Variants in SLX9 observed in about 807,000 individuals in gnomAD.
SLX9 encodes the protein ribosome biogenesis protein SLX9 homolog.
SLX9 carries 19 observed loss-of-function variants against 20.8 expected under a neutral mutation model. The ratio of observed to expected loss-of-function variants is 0.91; its 90% CI spans 0.64 to 1.34. SLX9 has a LOEUF of 1.34. SLX9 is among the 40% of genes most tolerant of loss of function. The pLI, the probability that SLX9 is intolerant of heterozygous loss-of-function variation, is 0.00. For missense variants in SLX9, 299 were observed against 322.2 expected (o/e 0.93, Z 0.55); for synonymous variants, 113 against 137.1 (o/e 0.82, Z 1.23).
chr21:44,971,869 C>T (rs960307953), intron 4 of SLX9, among the ~76,000 whole-genome samples: 1 of 152,154 alleles, frequency 6.6e-6, no homozygotes, highest in African/African-American at 2.4e-5. Flanking sequence ...GGGGAGATGT[C>T]GTCAGCCCCG....
chr21:44,973,374 C>T (rs75379091), intron 5 of SLX9, 109 bp downstream of exon 5: 1 of 705,456 alleles, frequency 1.4e-6, no homozygotes, highest in South Asian at 1.7e-5. Context: ...CCCACCCTCT[C>T]CAGGGGTTCA....
In SLX9 at chr21:44,943,731, C is replaced by G; in HGVS notation, c.177C>G (p.Asp59Glu). 6.2e-7 allele frequency: 1 copy of G among 1,614,202 alleles called. No individual in the cohort carries two copies. The highest frequency in any genetic ancestry group is 8.5e-7 in the Non-Finnish European group (1 of 1,180,020). The change falls in exon 2 of 6, where the codon GAC (aspartate) becomes GAG (glutamate). Residue 59 changes from aspartate to glutamate, a missense_variant. Asp to Glu is a conservative substitution (Grantham distance 45). Transcript: ENST00000291634. The stretch of plus-strand genomic sequence containing the variant: ...ACATCTTTGCCAGGACCAAGATAGA[C>G]CCCAGCGCCTTGGTGCAGAAGCTGG... ...NTNIFARTKI[D>E]PSALVQKLEL...
chr21:44,971,250 G>A (rs1178164459), intron 4 of SLX9, among the ~76,000 whole-genome samples: 4 of 152,214 alleles, frequency 2.6e-5, no homozygotes, highest in African/African-American at 4.8e-5. Flanking sequence ...ACACTGGGCG[G>A]AGTTAGGCTC....
At chr21:44,947,154 C>T (rs987146027) in intron 2 of SLX9, among the ~76,000 whole-genome samples, 4 of 152,198 alleles carry the variant, frequency 2.6e-5, no homozygotes, top group Admixed American at 6.5e-5. Flanking sequence ...TGGTGCCCTG[C>T]GTCCCTACCC....
At chr21:44,950,909 A>G (rs2084745092) in intron 2 of SLX9, among the ~76,000 whole-genome samples, 1 of 152,010 alleles carries the variant, frequency 6.6e-6, no homozygotes, top group African/African-American at 2.4e-5. Context: ...TAGAACTTTG[A>G]GCACAGAGAC....
At chr21:44,950,639 G>A (rs2084740019) in intron 2 of SLX9, among the ~76,000 whole-genome samples, 2 of 152,258 alleles carry the variant, frequency 1.3e-5, no homozygotes, top group South Asian at 2.1e-4. Flanking sequence ...CAGTCCGGCT[G>A]GGAGCGTGGC....
intron 2 of SLX9, 100 bp from the exon 3 acceptor site, chr21:44,960,000 C>T: frequency 9.9e-7 from 1 of 1,014,654 alleles, no homozygotes; most frequent in Non-Finnish European, 1.5e-6. Flanking sequence ...GTTGCAGTGA[C>T]TGTGGCAGCT....
intron 3 of SLX9, among the ~76,000 whole-genome samples, chr21:44,962,420 C>A (rs1179676895): frequency 1.3e-5 from 2 of 152,198 alleles, no homozygotes; most frequent in African/African-American, 2.4e-5. Context: ...TAAATGGAAT[C>A]ATGTAGGATG....
At chr21:44,953,565 A>G (rs56037799) in intron 2 of SLX9, among the ~76,000 whole-genome samples, 4,658 of 138,700 alleles carry the variant, frequency 0.034, 233 homozygotes, top group African/African-American at 0.14. Context: ...GGGGCCCTGC[A>G]TCCGGGCCTC....
chr21:44,973,010 T>A, intron 4 of SLX9, 187 bp from the exon 5 acceptor site: 1 of 704,408 alleles, frequency 1.4e-6, no homozygotes, highest in East Asian at 2.7e-5. Context: ...GGTCAGGCAG[T>A]TGCACTGCTT....
intron 2 of SLX9, among the ~76,000 whole-genome samples, chr21:44,959,753 G>T (rs989703057): frequency 6.6e-6 from 1 of 152,242 alleles, no homozygotes; most frequent in Non-Finnish European, 1.5e-5. Flanking sequence ...GAGCCGTCGG[G>T]CATTCCTGCA....
At chr21:44,941,663 A>T (rs1210914229) in intron 1 of SLX9, among the ~76,000 whole-genome samples, 3 of 152,200 alleles carry the variant, frequency 2.0e-5, no homozygotes, top group Non-Finnish European at 2.9e-5. Flanking sequence ...ACAGCCAAGG[A>T]CTAGTAGCTT....
At chr21:44,940,628 C>CT (rs1397879900) in intron 1 of SLX9, among the ~76,000 whole-genome samples, 2 of 151,356 alleles carry the variant, frequency 1.3e-5, no homozygotes, top group African/African-American at 4.9e-5. Flanking sequence ...TACCTTTTGT[C>CT]TTTATTCTAG....
intron 4 of SLX9, among the ~76,000 whole-genome samples, chr21:44,971,811 G>T (rs968975444): frequency 1.3e-5 from 2 of 152,202 alleles, no homozygotes; most frequent in Admixed American, 6.5e-5. Context: ...GGCTGGCCAG[G>T]GGGGCAGAGC....
At chr21:44,969,087 C>T (rs1020275988) in intron 4 of SLX9, 2 of 446,084 alleles carry the variant, frequency 4.5e-6, no homozygotes, top group South Asian at 3.2e-5. Flanking sequence ...TTTCTTTCTC[C>T]TACTAACTTT....
intron 2 of SLX9, among the ~76,000 whole-genome samples, chr21:44,955,627 C>G (rs2084842701): frequency 6.6e-6 from 1 of 152,176 alleles, no homozygotes; most frequent in African/African-American, 2.4e-5. Context: ...GCAATCTTCC[C>G]TCCCACTTTG....
At chr21:44,971,300 T>TCCCTGC in intron 4 of SLX9, among the ~76,000 whole-genome samples, 1 of 151,878 alleles carries the variant, frequency 6.6e-6, no homozygotes, top group Admixed American at 6.6e-5. Flanking sequence ...CCTCGTGGAG[T>TCCCTGC]CGCGTCCCTG....
intron 4 of SLX9, among the ~76,000 whole-genome samples, chr21:44,967,650 C>G (rs2085062762): frequency 1.3e-5 from 2 of 152,328 alleles, no homozygotes; most frequent in Middle Eastern, 3.4e-3. Flanking sequence ...TGATGCCCAC[C>G]TAACACTGCA....
intron 4 of SLX9, among the ~76,000 whole-genome samples, chr21:44,971,507 G>GT (rs1568946561): frequency 6.6e-6 from 1 of 152,160 alleles, no homozygotes; most frequent in Non-Finnish European, 1.5e-5. Context: ...GCCACCCTGG[G>GT]TGCAGCTCCT....
Sources: gnomAD v4.1 joint callset for allele counts (sites outside exome capture counted in the v4.1 genomes callset) on GRCh38, gnomAD v4.1.1 for gene constraint, MANE v1.5 for transcripts, NCBI Gene and HGNC (gene_info 2026-07-23, HGNC 2026-07-21) for gene names.